Variants in GAK observed in about 807,000 individuals in gnomAD.
GAK encodes cyclin G associated kinase.
GAK carries 79 observed loss-of-function variants against 143.9 expected under a neutral mutation model. The ratio of observed to expected loss-of-function variants is 0.55; its 90% confidence interval spans 0.46 to 0.66. GAK has a LOEUF of 0.66. GAK is among the 30% of genes least tolerant of loss of function. The pLI is 0.00. For missense variants in GAK, 1,693 were observed against 1,779.7 expected (o/e 0.95, Z 0.88); for synonymous variants, 881 against 765.5 (o/e 1.15, Z -2.49).
At chr4:884,385 A>G in intron 11 of GAK, 1 of 398,062 alleles carries the variant, frequency 2.5e-6, no homozygotes, top group Middle Eastern at 7.1e-4. Flanking sequence ...CTCTCCAGGG[A>G]GGCACGGCCC....
rs754170872 is a variant in GAK at position 893,435 on chromosome 4, T to A, written c.932A>T (p.His311Leu). 8.8e-6 allele frequency: 14 copies of A among 1,594,176 alleles called. No homozygotes were observed. Among genetic ancestry groups the A allele is most frequent in the Non-Finnish European group, 9.4e-6 (11 of 1,170,752 alleles). ...GGCGGCCGCGATCTCCTGCAGCTGG[T>A]GCACCACCTCGGCGATGGACAGCCG... The part of the protein sequence containing the change: ...EERLSIAEVV[H>L]QLQEIAAARN... The change falls in exon 9 of 28, where the codon CAC becomes CTC. Residue 311 changes from histidine to leucine, a missense_variant. This residue lies in a region of GAK where 871 missense variants were observed against 991.0 expected (regional missense o/e 0.88). Transcript: ENST00000314167.
chr4:875,485 C>T (rs1713658612), intron 18 of GAK, among the ~76,000 whole-genome samples: 1 of 152,252 alleles, frequency 6.6e-6, no homozygotes. Flanking sequence ...GGTGCAGAGT[C>T]CGCCAGCATC....
rs1043257375 is a variant in GAK, at chr4:851,557, A to T, written c.3508+193T>A. The T allele has an allele frequency of 4.8e-6, 3 of 619,740 alleles. No individual in the cohort carries two copies. In the African/African-American group the frequency reaches 5.5e-5, roughly 11 times the overall value. 38.4% of individuals were successfully genotyped at this position (619,740 alleles called of 1,614,324 possible). ...CAGGTCAAGAAGGTGTCACTGGAAC[A>T]AGAGGGACCCAGAGGCCTGACCCAG... On this transcript the variant is annotated intron_variant, in intron 25 of 27. Coordinates refer to ENST00000314167, the MANE Select transcript of GAK (RefSeq NM_005255.4).
intron 8 of GAK, 76 bp from the exon 9 acceptor site, chr4:893,565 C>T: frequency 2.8e-6 from 3 of 1,065,482 alleles, no homozygotes; most frequent in Non-Finnish European, 3.9e-6. Context: ...GCAGAGGTCA[C>T]AGACCACCAG....
intron 11 of GAK, chr4:887,352 C>A (rs1016859248): frequency 6.6e-6 from 1 of 151,478 alleles, no homozygotes; most frequent in South Asian, 2.1e-4. Context: ...GGCACTCCTA[C>A]GCATGCATAC....
intron 24 of GAK, chr4:852,299 G>A (rs188952535): frequency 2.0e-5 from 8 of 398,330 alleles, no homozygotes; most frequent in East Asian, 9.7e-5. Flanking sequence ...GTGTCCCCAC[G>A]TCACCCCCAG....
rs776443423 is a variant in GAK at position 867,055 on chromosome 4, G to T, written c.2773C>A (p.Pro925Thr). 6.6e-7 allele frequency: 1 copy of T among 1,523,064 alleles called. No individual in the cohort carries two copies. The allele number at this position is 1,523,064 out of a possible 1,614,324, so 94.3% of individuals were successfully genotyped here. Reference protein sequence around the residue: ...LGPPEAASQGPPEDLLSEDPL... With the variant: ...LGPPEAASQGTPEDLLSEDPL... Reference sequence around the variant, plus strand: ...TCCTCGCTGAGCAGATCCTCCGGGGGCCCCTGGGAGGCGGCCTCAGGGGGC... The same window carrying T: ...TCCTCGCTGAGCAGATCCTCCGGGGTCCCCTGGGAGGCGGCCTCAGGGGGC... Residue 925 changes from proline to threonine, a missense_variant, in exon 21 of 28, where the codon CCC becomes ACC. Physicochemically the swap from Pro to Thr is conservative, Grantham distance 38. This residue lies in a region of GAK where 822 missense variants were observed against 788.7 expected (regional missense o/e 1.04). Coordinates refer to ENST00000314167, the MANE Select transcript of GAK (RefSeq NM_005255.4).
intron 7 of GAK, among the ~76,000 whole-genome samples, chr4:895,216 T>C (rs770244601): frequency 6.6e-6 from 1 of 152,170 alleles, no homozygotes. Flanking sequence ...GGAAGCAGCC[T>C]CCTCAGTCTG....
intron 3 of GAK, chr4:912,122 T>C (rs1360192489): frequency 4.3e-6 from 2 of 462,362 alleles, no homozygotes; most frequent in East Asian, 6.7e-5. Flanking sequence ...GGCGTGGCTG[T>C]GTCCACCCGA....
intron 6 of GAK, 123 bp from the exon 7 acceptor site, chr4:896,672 C>CT: frequency 5.3e-6 from 4 of 761,326 alleles, no homozygotes; most frequent in Non-Finnish European, 9.1e-6. Flanking sequence ...GTCCCGCACA[C>CT]TATGCCCCGG....
At chr4:881,042 C>T (rs1016603219) in intron 15 of GAK, among the ~76,000 whole-genome samples, 6 of 152,230 alleles carry the variant, frequency 3.9e-5, no homozygotes, top group Admixed American at 2.0e-4. Flanking sequence ...TCTCCTCCCC[C>T]CAAGGCTGTG....
intron 22 of GAK, 21 bp from the exon 23 acceptor site, chr4:865,265 G>A: frequency 1.2e-6 from 2 of 1,612,724 alleles, no homozygotes; most frequent in Non-Finnish European, 1.7e-6. Flanking sequence ...GGAACCAGAA[G>A]AGAGCACAGT....
In GAK at chr4:932,314, A is replaced by G. The variant is rs959888155; in HGVS notation, c.-127T>C. On this transcript the variant is annotated 5_prime_UTR_variant, in exon 1 of 28. Coordinates refer to ENST00000314167, the MANE Select transcript of GAK (RefSeq NM_005255.4). This position sits in a 1 kb window ranked among gnomAD's most constrained non-coding sequence, Gnocchi z 4.0. The stretch of plus-strand genomic sequence containing the variant: ...CACCATCTTCCGCCTCGACGCCGTG[A>G]CGTAGGCGCCCGTGAGGACGCGTCG... The G allele has an allele frequency of 8.1e-5, 111 of 1,374,852 alleles. No homozygotes were observed. Among genetic ancestry groups the G allele is most frequent in the Non-Finnish European group, 1.0e-4 (108 of 1,070,756 alleles). 85.2% of individuals were successfully genotyped at this position (1,374,852 alleles called of 1,614,324 possible).
Position 849,983 on chromosome 4 carries a change from C to T in GAK, c.3743G>A (p.Arg1248His), listed in dbSNP as rs1392409941. 22 of 1,611,486 alleles carry T rather than the reference C, an allele frequency of 1.4e-5. No homozygotes were observed. Among genetic ancestry groups the T allele is most frequent in the Non-Finnish European group, 1.9e-5 (22 of 1,179,264 alleles). ...LHTVLWDGES[R>H]WTPVGMADLV... ...GTCGGCCATGCCCACGGGCGTCCAG[C>T]GGCTCTCCCCGTCCCACAGCACTGT... The change falls in exon 27 of 28, where the codon CGC becomes CAC. Residue 1248 changes from arginine (R) to histidine (H), a missense_variant. Around this residue, in one of 2 missense-constraint regions of GAK, gnomAD observed 822 missense variants for 788.7 expected, o/e 1.04. Coordinates refer to ENST00000314167, the MANE Select transcript of GAK (RefSeq NM_005255.4).
rs1750942526 is a variant in GAK at position 865,149 on chromosome 4, C to G, written c.3139G>C (p.Ala1047Pro). ...WAAWTETAAS[A>P]VAPTPATEGP... is the part of the protein sequence containing the mutation. ...TCTGTGGCTGGCGTGGGGGCCACTG[C>G]CGATGCTGCAGTCTCGGTCCAGGCA... The change falls in exon 23 of 28, where the codon GCA (alanine) becomes CCA (proline). Residue 1047 changes from alanine to proline, a missense_variant. Ala to Pro is a conservative substitution (Grantham distance 27). Coordinates refer to ENST00000314167, the MANE Select transcript of GAK (RefSeq NM_005255.4). 1 of 1,610,716 alleles carries G rather than the reference C, an allele frequency of 6.2e-7. No homozygotes were observed. The highest frequency in any genetic ancestry group is 8.5e-7 in the Non-Finnish European group (1 of 1,178,460).
intron 11 of GAK, chr4:887,670 G>T (rs1032636064): frequency 6.6e-6 from 1 of 152,128 alleles, no homozygotes; most frequent in South Asian, 2.1e-4. Flanking sequence ...ACTCGCACAC[G>T]TGTACACATG....
intron 1 of GAK, among the ~76,000 whole-genome samples, chr4:914,454 C>T (rs1418140569): frequency 6.3e-5 from 6 of 95,406 alleles, no homozygotes; most frequent in Non-Finnish European, 1.0e-4. Context: ...CCCACACACA[C>T]AGCCCCAGTG....
At position 849,502 on chromosome 4, in the gene GAK, G is replaced by A. The variant is rs1747671922; in HGVS notation, c.*171C>T. ...AAAGGAAACAACAATCAGAGGCTTT[G>A]GAATGCTTTCTCTTCATGTGCCTGG... On this transcript the variant is annotated 3_prime_UTR_variant, in exon 28 of 28. Transcript: ENST00000314167. 1 of 594,298 alleles carries A rather than the reference G, an allele frequency of 1.7e-6. No homozygotes were observed. The highest frequency in any genetic ancestry group is 3.1e-6 in the Non-Finnish European group (1 of 326,216). 36.8% of individuals were successfully genotyped at this position (594,298 alleles called of 1,614,324 possible).
At chr4:866,282 C>T in intron 22 of GAK, 82 bp downstream of exon 22, 1 of 1,425,874 alleles carries the variant, frequency 7.0e-7, no homozygotes, top group South Asian at 1.3e-5. Flanking sequence ...TGCCTGAGAC[C>T]CACAGCTCTG....
Sources: gnomAD v4.1 joint callset for allele counts (sites outside exome capture counted in the v4.1 genomes callset) on GRCh38, gnomAD v4.1.1 for gene constraint, gnomAD v4.1.1 regional missense constraint, Gnocchi (gnomAD v3.1) non-coding constraint, MANE v1.5 for transcripts, NCBI Gene and HGNC (gene_info 2026-07-23, HGNC 2026-07-21) for gene names.